Variants in CNTNAP5 observed in about 807,000 individuals in gnomAD.
CNTNAP5 encodes the protein contactin associated protein family member 5.
A neutral mutation model predicts 150.2 loss-of-function variants in CNTNAP5; 72 were observed. That is an observed-to-expected ratio of 0.48 (90% CI 0.40 to 0.58). The LOEUF (loss-of-function observed/expected upper bound fraction) is 0.58, where lower values mean the gene tolerates loss of function less well. Among genes scored for constraint, CNTNAP5 ranks in the 20% least tolerant of loss-of-function variants. The pLI is 0.00. For synonymous variants in CNTNAP5, 672 were observed against 619.8 expected (o/e 1.08, Z -1.25); for missense variants, 1,636 against 1,626.2 (o/e 1.01, Z -0.10).
At chr2:124,444,291 C>A (rs929518031) in intron 5 of CNTNAP5, among the ~76,000 whole-genome samples, 1 of 152,046 alleles carries the variant, frequency 6.6e-6, no homozygotes, top group African/African-American at 2.4e-5. Flanking sequence ...GCCAAAATAA[C>A]CTTTCTTAAA....
chr2:124,537,838 C>A (rs929998675), intron 10 of CNTNAP5, among the ~76,000 whole-genome samples: 3 of 152,150 alleles, frequency 2.0e-5, no homozygotes, highest in African/African-American at 7.2e-5. Context: ...GGATCATTAT[C>A]TTGATGAAAT....
intron 3 of CNTNAP5, among the ~76,000 whole-genome samples, chr2:124,298,989 T>C (rs1688507506): frequency 6.6e-6 from 1 of 152,082 alleles, no homozygotes; most frequent in Admixed American, 6.6e-5. Flanking sequence ...ACATGGGGGA[T>C]CCTTGTCACA....
chr2:124,392,960 T>A (rs1470800137), intron 3 of CNTNAP5, among the ~76,000 whole-genome samples: 2 of 152,232 alleles, frequency 1.3e-5, no homozygotes, highest in Non-Finnish European at 2.9e-5. Context: ...AGGACAATTC[T>A]CAAAGTTGTT....
chr2:124,901,935 C>T (rs1171628494), intron 21 of CNTNAP5, among the ~76,000 whole-genome samples: 1 of 152,068 alleles, frequency 6.6e-6, no homozygotes, highest in East Asian at 1.9e-4. Flanking sequence ...GGCTCTTTGA[C>T]CATTTATGAA....
chr2:124,840,689 T>C (rs1330914971), intron 19 of CNTNAP5, among the ~76,000 whole-genome samples: 1 of 152,094 alleles, frequency 6.6e-6, no homozygotes, highest in African/African-American at 2.4e-5. Flanking sequence ...TCTTGACAAC[T>C]TAACGTTGTG....
chr2:124,606,570 G>A (rs536446455), intron 11 of CNTNAP5, among the ~76,000 whole-genome samples: 20 of 152,102 alleles, frequency 1.3e-4, no homozygotes, highest in Non-Finnish European at 2.4e-4. Context: ...CCGTTTTCAC[G>A]CTGCTGATAA....
chr2:124,666,448 T>C (rs1678702437), intron 13 of CNTNAP5, among the ~76,000 whole-genome samples: 1 of 152,124 alleles, frequency 6.6e-6, no homozygotes, highest in African/African-American at 2.4e-5. Context: ...TAGTATCTTA[T>C]TGTCACAAAG....
In CNTNAP5 at chr2:124,363,528, T is replaced by C. The variant is rs976999579; in HGVS notation, c.382-53915T>C. Among the ~76,000 whole-genome samples the C allele has an allele frequency of 2.0e-5, 3 of 152,232 alleles. No individual in the cohort carries two copies. In the South Asian group the frequency reaches 6.2e-4, roughly 31 times the overall value. ...ATCTTAGAAATATTACTTTTTTCTC[T>C]TTTTCTCATATCTCACAATAATTTA... On this transcript the variant is annotated intron_variant, in intron 3 of 23. Transcript: ENST00000682447.
At chr2:124,729,380 TTTA>T (rs1275366631) in intron 13 of CNTNAP5, among the ~76,000 whole-genome samples, 8 of 152,082 alleles carry the variant, frequency 5.3e-5, no homozygotes, top group Non-Finnish European at 1.0e-4. Flanking sequence ...TAATGAATTT[TTTA>T]TTATTGTTTT....
chr2:124,631,508 C>T (rs1349259588), intron 12 of CNTNAP5, among the ~76,000 whole-genome samples: 1 of 152,072 alleles, frequency 6.6e-6, no homozygotes, highest in East Asian at 1.9e-4. Context: ...GCTGGGAGAA[C>T]TGGCTAGCCA....
chr2:124,099,859 G>T (rs556760077), intron 1 of CNTNAP5, among the ~76,000 whole-genome samples: 1 of 152,134 alleles, frequency 6.6e-6, no homozygotes, highest in South Asian at 2.1e-4. Context: ...CACAAGAACA[G>T]GACCAAATGG....
At chr2:124,270,053 T>C (rs112527215) in intron 3 of CNTNAP5, among the ~76,000 whole-genome samples, 215 of 152,228 alleles carry the variant, frequency 1.4e-3, no homozygotes, top group African/African-American at 4.8e-3. Context: ...TGGTGGCTCA[T>C]GCCTGTAATC....
At position 124,527,203 on chromosome 2, in the gene CNTNAP5, T is replaced by C. The variant is rs564765950; in HGVS notation, c.1478-82T>C. ...GAGAAAGCACCAAACTAATTAGACC[T>C]CAAGGTCTTCCATCAATAGGTCGCC... On this transcript the variant is annotated intron_variant, in intron 9 of 23. Coordinates refer to ENST00000682447, the MANE Select transcript of CNTNAP5 (RefSeq NM_001367498.1). The C allele has an allele frequency of 2.9e-5, 36 of 1,236,234 alleles. No homozygotes were observed. The East Asian group carries it at 8.1e-4, about 28-fold the overall frequency. The allele number at this position is 1,236,234 out of a possible 1,614,324, so 76.6% of individuals were successfully genotyped here. A position where few individuals can be genotyped will look rare whatever the true frequency, so the allele number is the denominator to read the frequency against.
intron 21 of CNTNAP5, among the ~76,000 whole-genome samples, chr2:124,897,563 T>A (rs1435722178): frequency 6.6e-6 from 1 of 151,514 alleles, no homozygotes; most frequent in Non-Finnish European, 1.5e-5. Flanking sequence ...GCTCAGATCA[T>A]ACACAGCAGA....
intron 3 of CNTNAP5, among the ~76,000 whole-genome samples, chr2:124,315,738 T>C (rs767182456): frequency 1.3e-5 from 2 of 152,064 alleles, no homozygotes; most frequent in Non-Finnish European, 2.9e-5. Flanking sequence ...CGCATGAAAG[T>C]ACAAACCCTG....
chr2:124,026,703 G>A (rs1452306970), intron 1 of CNTNAP5, among the ~76,000 whole-genome samples: 1 of 152,166 alleles, frequency 6.6e-6, no homozygotes, highest in East Asian at 1.9e-4. Flanking sequence ...CAAGTTTCTG[G>A]GCTTGCTCCC....
intron 5 of CNTNAP5, among the ~76,000 whole-genome samples, chr2:124,443,813 CGT>C (rs3034804): frequency 0.15 from 22,004 of 143,592 alleles, 1,924 homozygotes; most frequent in Non-Finnish European, 0.21. Flanking sequence ...AATTCCTTGC[CGT>C]GTGTGTGTGT....
At chr2:124,129,150 T>A (rs1029648556) in intron 1 of CNTNAP5, among the ~76,000 whole-genome samples, 1 of 151,984 alleles carries the variant, frequency 6.6e-6, no homozygotes, top group Non-Finnish European at 1.5e-5. Context: ...AATATTTGCG[T>A]TTAATACAAC....
chr2:124,356,008 G>C (rs186594540), intron 3 of CNTNAP5, among the ~76,000 whole-genome samples: 143 of 152,226 alleles, frequency 9.4e-4, no homozygotes, highest in African/African-American at 3.3e-3. Flanking sequence ...TGAGTGTTAA[G>C]AGTAGGTAAG....
Sources: gnomAD v4.1 joint callset for allele counts (sites outside exome capture counted in the v4.1 genomes callset) on GRCh38, gnomAD v4.1.1 for gene constraint, MANE v1.5 for transcripts, NCBI Gene and HGNC (gene_info 2026-07-23, HGNC 2026-07-21) for gene names.